The following CDYL2 variants were observed in gnomAD, a reference collection of about 807,000 sequenced individuals.
CDYL2 encodes chromodomain Y-like protein 2.
In CDYL2, 23 loss-of-function variants were observed where a neutral mutation model predicts 49.4. The ratio of observed to expected loss-of-function variants is 0.47; its 90% CI spans 0.34 to 0.66. The LOEUF is 0.66. Ranked by LOEUF, CDYL2 falls within the 30% of genes least tolerant of loss-of-function variation. CDYL2 has a pLI of 0.01. For synonymous variants in CDYL2, 360 were observed against 268.8 expected, an observed-to-expected ratio of 1.34 and a Z score of -3.32; for missense variants, 678 against 656.4, an observed-to-expected ratio of 1.03 and a Z score of -0.36.
At chr16:80,703,028 A>C (rs1368079137) in intron 1 of CDYL2, among the ~76,000 whole-genome samples, 2 of 152,212 alleles carry the variant, frequency 1.3e-5, no homozygotes, top group Non-Finnish European at 2.9e-5. Flanking sequence ...CATGTGGAAT[A>C]TATATACACA....
rs1409150998 is a variant in CDYL2, at chr16:80,692,414, G to C, written c.25-7285C>G. 4.6e-5 allele frequency among the ~76,000 whole-genome samples: 7 copies of C among 152,240 alleles called. No individual in the cohort carries two copies. The East Asian group carries it at 7.7e-4, about 17-fold the overall frequency. ...CAAGTGGTCCTTCAGATGAGAACGG[G>C]GGAAGAAGATAACTCATCTCTTAGG... On this transcript the variant is annotated intron_variant, in intron 1 of 6. Coordinates refer to ENST00000570137, the MANE Select transcript of CDYL2 (RefSeq NM_152342.4).
chr16:80,720,924 T>G (rs1326526709), intron 1 of CDYL2, among the ~76,000 whole-genome samples: 1 of 152,150 alleles, frequency 6.6e-6, no homozygotes, highest in Non-Finnish European at 1.5e-5. Flanking sequence ...TTATCTTAAA[T>G]AAGGGAATAG....
intron 2 of CDYL2, among the ~76,000 whole-genome samples, chr16:80,663,202 AGATACAATTAACAGAG>A (rs1213499698): frequency 6.6e-6 from 1 of 151,632 alleles, no homozygotes; most frequent in East Asian, 1.9e-4. Context: ...CTTGGGGAGC[AGATACAATTAACAGAG>A]AGAACAGACC....
chr16:80,713,765 T>C (rs2142515454), intron 1 of CDYL2, among the ~76,000 whole-genome samples: 1 of 152,218 alleles, frequency 6.6e-6, no homozygotes, highest in South Asian at 2.1e-4. Flanking sequence ...TATGGCTATA[T>C]CATAAAAGTG....
chr16:80,721,137 A>C (rs1463913983), intron 1 of CDYL2, among the ~76,000 whole-genome samples: 1 of 152,160 alleles, frequency 6.6e-6, no homozygotes, highest in African/African-American at 2.4e-5. Context: ...AAGTACAAAA[A>C]TCCCAGTGCT....
intron 1 of CDYL2, among the ~76,000 whole-genome samples, chr16:80,793,584 T>C (rs905382372): frequency 6.6e-6 from 1 of 152,332 alleles, no homozygotes; most frequent in African/African-American, 2.4e-5. Context: ...ACTGAAAAGC[T>C]ACAGGTCCAG....
chr16:80,659,001 T>C (rs1040708707), intron 2 of CDYL2, among the ~76,000 whole-genome samples: 1 of 152,132 alleles, frequency 6.6e-6, no homozygotes, highest in Non-Finnish European at 1.5e-5. Context: ...TAATAGATTA[T>C]AAACTGTCAC....
rs180842591 is a variant in CDYL2 at position 80,720,349 on chromosome 16, G to A, written c.25-35220C>T. Among the ~76,000 whole-genome samples, 207 of 152,240 alleles carry A rather than the reference G, an allele frequency of 1.4e-3. 1 individual carries two copies. Among genetic ancestry groups the A allele is most frequent in the African/African-American group, 4.7e-3 (194 of 41,540 alleles). The stretch of plus-strand genomic sequence containing the variant: ...AAAACTAGGCACTGGGTTTTGCCCC[G>A]CAGATTTGATGTCAATCCCTGCCAT... On this transcript the variant is annotated intron_variant, in intron 1 of 6. Transcript: ENST00000570137.
intron 4 of CDYL2, among the ~76,000 whole-genome samples, chr16:80,615,048 G>A (rs1260206648): frequency 6.6e-6 from 1 of 152,104 alleles, no homozygotes; most frequent in Admixed American, 6.5e-5. Context: ...ATCTATGTAA[G>A]TCATCATAAA....
chr16:80,606,654 C>T (rs954573191), intron 6 of CDYL2, among the ~76,000 whole-genome samples: 3 of 152,188 alleles, frequency 2.0e-5, no homozygotes, highest in Admixed American at 1.3e-4. Flanking sequence ...AACTAAGGGG[C>T]ATATGGTTTG....
rs142627894 is a variant in CDYL2 at position 80,744,215 on chromosome 16, C to A, written c.25-59086G>T. On this transcript the variant is annotated intron_variant, in intron 1 of 6. Transcript: ENST00000570137. ...TCCAGAGACGCAGAAAAGGCAGGAG[C>A]CCTGGGGAACACACGCTGGGTCTGG... 1.1e-3 allele frequency among the ~76,000 whole-genome samples: 167 copies of A among 152,260 alleles called. 1 individual carries two copies. Among genetic ancestry groups the A allele is most frequent in the South Asian group, 3.7e-3 (18 of 4,814 alleles).
intron 1 of CDYL2, among the ~76,000 whole-genome samples, chr16:80,771,420 AC>A (rs1906900391): frequency 6.6e-6 from 1 of 152,122 alleles, no homozygotes; most frequent in Non-Finnish European, 1.5e-5. Flanking sequence ...ACAAACGAAA[AC>A]TGGCCAGTGC....
chr16:80,660,733 C>A (rs1182806358), intron 2 of CDYL2, among the ~76,000 whole-genome samples: 1 of 152,102 alleles, frequency 6.6e-6, no homozygotes, highest in Admixed American at 6.5e-5. Flanking sequence ...TGAGGAGAAA[C>A]TCTGAGACAG....
intron 3 of CDYL2, among the ~76,000 whole-genome samples, chr16:80,625,032 G>A (rs372408711): frequency 6.6e-6 from 1 of 152,180 alleles, no homozygotes. Context: ...AGAGATAAAG[G>A]ATGAGAATTT....
At chr16:80,646,122 C>G (rs907332239) in intron 2 of CDYL2, among the ~76,000 whole-genome samples, 1 of 151,502 alleles carries the variant, frequency 6.6e-6, no homozygotes, top group Non-Finnish European at 1.5e-5. Flanking sequence ...GTACATGTAC[C>G]CTAGAACTTA....
intron 2 of CDYL2, among the ~76,000 whole-genome samples, chr16:80,673,893 A>T (rs1287343242): frequency 2.0e-5 from 3 of 152,140 alleles, no homozygotes; most frequent in Non-Finnish European, 4.4e-5. Flanking sequence ...GAGTCAAGAG[A>T]AGGAGATGTG....
intron 5 of CDYL2, among the ~76,000 whole-genome samples, chr16:80,610,389 G>C (rs934514282): frequency 6.6e-6 from 1 of 152,140 alleles, no homozygotes; most frequent in African/African-American, 2.4e-5. Flanking sequence ...TTGACCTTCC[G>C]ATAAAATCAA....
chr16:80,688,410 T>C (rs1207755635), intron 1 of CDYL2, among the ~76,000 whole-genome samples: 4 of 151,952 alleles, frequency 2.6e-5, no homozygotes, highest in African/African-American at 7.3e-5. Flanking sequence ...ATCGGTAAAA[T>C]ATATAATAAT....
Position 80,687,168 on chromosome 16 carries a change from A to C in CDYL2, c.25-2039T>G, listed in dbSNP as rs1424312358. ...AGAGTAAGCAATCTGACATTGCCTG[A>C]AACAGCAGCATTTGTGAGGACACCA... On this transcript the variant is annotated intron_variant, in intron 1 of 6. Coordinates refer to ENST00000570137, the MANE Select transcript of CDYL2 (RefSeq NM_152342.4). Among the ~76,000 whole-genome samples, 38 of 152,230 alleles carry C rather than the reference A, an allele frequency of 2.5e-4. 1 individual carries two copies. Among genetic ancestry groups the C allele is most frequent in the Admixed American group, 2.5e-3 (38 of 15,282 alleles).
Sources: gnomAD v4.1 joint callset for allele counts (sites outside exome capture counted in the v4.1 genomes callset) on GRCh38, gnomAD v4.1.1 for gene constraint, MANE v1.5 for transcripts, NCBI Gene and HGNC (gene_info 2026-07-23, HGNC 2026-07-21) for gene names.